LACTBL1: variants seen among roughly 807,000 people sequenced by gnomAD.
LACTBL1 encodes the protein beta-lactamase-like protein 1.
LACTBL1 carries 29 observed loss-of-function variants against 39.6 expected under a neutral mutation model. The ratio of observed to expected loss-of-function variants is 0.73; its 90% CI spans 0.55 to 1.00. The LOEUF is 1.00. Among genes scored for constraint, LACTBL1 ranks in the 50% least tolerant of loss-of-function variants. The probability of loss-of-function intolerance (pLI) is 0.00; values close to 1 mark genes in which losing one functional copy is unlikely to be tolerated. For missense variants in LACTBL1, 711 were observed against 748.5 expected (o/e 0.95, Z 0.59); for synonymous variants, 361 against 360.7 (o/e 1.00, Z -0.01).
chr1:22,971,910 G>A, the LACTBL1 span, among the ~76,000 whole-genome samples: 161 of 152,290 alleles, frequency 1.1e-3, no homozygotes, highest in African/African-American at 3.1e-3. Context: ...AGCTAGAGGT[G>A]TAATAAAGGG....
chr1:22,953,742 G>A, exon 6 of LACTBL1: 6 of 1,377,324 alleles, frequency 4.4e-6, no homozygotes, highest in Admixed American at 3.8e-5. Flanking sequence ...GGGGCCCGCC[G>A]CCCAGGAGCG....
chr1:22,953,837 G>T (rs966236043), exon 6 of LACTBL1: 1 of 1,547,862 alleles, frequency 6.5e-7, no homozygotes, highest in African/African-American at 1.4e-5. Flanking sequence ...AGTGGCGCCG[G>T]CCGCCCGCTG....
intron 5 of LACTBL1, among the ~76,000 whole-genome samples, chr1:22,954,809 C>T (rs1313566409): frequency 3.3e-5 from 5 of 152,176 alleles, no homozygotes; most frequent in Non-Finnish European, 7.3e-5. Context: ...GGAAAAGGGT[C>T]ACTGACCAGC....
chr1:22,969,539 A>G (rs1439690083), upstream of LACTBL1, among the ~76,000 whole-genome samples: 2 of 152,142 alleles, frequency 1.3e-5, no homozygotes, highest in Non-Finnish European at 2.9e-5. Context: ...GTTCTACAGG[A>G]AACAATCTGG....
chr1:22,972,470 C>A, the LACTBL1 span: 1 of 984,332 alleles, frequency 1.0e-6, no homozygotes, highest in African/African-American at 1.7e-5. Context: ...AGCTAGAAAA[C>A]AAGGAGGGTA....
chr1:22,953,727 C>CCGCCGGGG lies in LACTBL1; in HGVS notation c.949_956dup (p.Leu320ProfsTer122), dbSNP rs1186805366. 7.5e-7 allele frequency: 1 copy of CCGCCGGGG among 1,337,778 alleles called. No homozygotes were observed. Among genetic ancestry groups the CCGCCGGGG allele is most frequent in the Non-Finnish European group, 9.5e-7 (1 of 1,047,448 alleles). The allele number at this position is 1,337,778 out of a possible 1,614,324, so 82.9% of individuals were successfully genotyped here. A position where few individuals can be genotyped will look rare whatever the true frequency, so the allele number is the denominator to read the frequency against. ...TCTTGGCCGCGTCGGGCCGCAGGAG[C>CCGCCGGGG]CGCCGGGGCCCGCCGCCCAGGAGCG... On this transcript the variant is annotated frameshift_variant, in exon 6 of 6. Transcript: ENST00000426928. LOFTEE classifies it high-confidence loss of function.
chr1:22,963,695 G>A (rs1351359246), intron 1 of LACTBL1, among the ~76,000 whole-genome samples: 4 of 152,158 alleles, frequency 2.6e-5, no homozygotes, highest in African/African-American at 7.2e-5. Flanking sequence ...GCCTTTGTCC[G>A]GGTGTGTGGC....
Position 22,963,230 on chromosome 1 carries a change from C to T in LACTBL1, c.50-14G>A. 7.6e-7 allele frequency: 1 copy of T among 1,316,980 alleles called. No individual in the cohort carries two copies. The allele number at this position is 1,316,980 out of a possible 1,614,324, so 81.6% of individuals were successfully genotyped here. A position where few individuals can be genotyped will look rare whatever the true frequency, so the allele number is the denominator to read the frequency against. On this transcript the variant is annotated splice_polypyrimidine_tract_variant and intron_variant, in intron 1 of 5. Coordinates refer to ENST00000426928, the Ensembl canonical transcript of LACTBL1. ...GTCCCAGGGAACCTGGAGGGAACAT[C>T]ACATGGTGAGGAGGGGACAGAGATC...
the LACTBL1 span, among the ~76,000 whole-genome samples, chr1:22,971,017 C>T: frequency 0.019 from 2,931 of 152,290 alleles, 114 homozygotes; most frequent in African/African-American, 0.067. Context: ...CCCCTCCTGG[C>T]ATGAACACAG....
intron 4 of LACTBL1, 145 bp downstream of exon 6, chr1:22,958,540 C>T (rs1298814325): frequency 4.6e-6 from 3 of 652,256 alleles, no homozygotes; most frequent in Non-Finnish European, 7.7e-6. Flanking sequence ...TTCCCTGGCC[C>T]ACCACCCACA....
exon 6 of LACTBL1, chr1:22,953,424 C>A (rs1158904704): frequency 1.6e-6 from 2 of 1,227,410 alleles, no homozygotes; most frequent in Admixed American, 4.3e-5. Context: ...GCGGCGGAGC[C>A]GGGCCGGGCT....
chr1:22,971,333 G>A, the LACTBL1 span, among the ~76,000 whole-genome samples: 24 of 152,210 alleles, frequency 1.6e-4, no homozygotes, highest in Admixed American at 9.8e-4. Context: ...CAGCAGACCC[G>A]AAGATGGGTC....
chr1:22,972,783 G>A, the LACTBL1 span: 2 of 783,840 alleles, frequency 2.6e-6, no homozygotes, highest in Non-Finnish European at 3.1e-6. Context: ...CTCTCCAGAA[G>A]GTACCAGCAA....
At chr1:22,959,818 T>A (rs2124230777) in intron 3 of LACTBL1, 124 bp downstream of exon 5, 3 of 1,179,478 alleles carry the variant, frequency 2.5e-6, no homozygotes, top group African/African-American at 1.5e-5. Flanking sequence ...CTGTCAAGAC[T>A]TCATAATAGG....
intron 5 of LACTBL1, among the ~76,000 whole-genome samples, chr1:22,955,053 T>A (rs309506): frequency 0.052 from 7,958 of 152,310 alleles, 716 homozygotes; most frequent in African/African-American, 0.18. Context: ...AAACCGGGTG[T>A]TTATCACCTT....
chr1:22,953,793 C>T (rs1640734004), exon 6 of LACTBL1: 6 of 1,543,868 alleles, frequency 3.9e-6, no homozygotes, highest in Non-Finnish European at 4.4e-6. Flanking sequence ...TAGAGTACAT[C>T]TGGCCCGACG....
chr1:22,960,002 A>G (rs1640803702), exon 3 of LACTBL1: 3 of 1,551,072 alleles, frequency 1.9e-6, no homozygotes, highest in South Asian at 1.2e-5. Context: ...CTTCTTCCCA[A>G]AGTTCCCTGT....
At chr1:22,953,907 T>C in exon 6 of LACTBL1, 1 of 1,550,266 alleles carries the variant, frequency 6.5e-7, no homozygotes, top group Non-Finnish European at 8.7e-7. Context: ...AGCCCGTGTC[T>C]GCCATCCCCA....
At chr1:22,967,242 G>C (rs1640888830), upstream of LACTBL1, among the ~76,000 whole-genome samples, 1 of 152,084 alleles carries the variant, frequency 6.6e-6, no homozygotes, top group Non-Finnish European at 1.5e-5. Context: ...AGTGGTGTGT[G>C]CCTGTAATCC....
Sources: gnomAD v4.1 joint callset for allele counts (sites outside exome capture counted in the v4.1 genomes callset) on GRCh38, gnomAD v4.1.1 for gene constraint, MANE v1.5 for transcripts, NCBI Gene and HGNC (gene_info 2026-07-23, HGNC 2026-07-21) for gene names.